The following LOXHD1 variants were observed in gnomAD, a reference collection of about 807,000 sequenced individuals.
The protein encoded by LOXHD1 is lipoxygenase homology PLAT domains 1.
LOXHD1 carries 205 observed loss-of-function variants against 248.2 expected under a neutral mutation model. The ratio of observed to expected loss-of-function variants is 0.83; its 90% confidence interval spans 0.74 to 0.93. LOXHD1 has a LOEUF of 0.93. Ranked by LOEUF, LOXHD1 falls within the 40% of genes least tolerant of loss-of-function variation. The pLI is 0.00. For synonymous variants in LOXHD1, 1,113 were observed against 1,162.8 expected (o/e 0.96, Z 0.87); for missense variants, 2,930 against 2,971.6 (o/e 0.99, Z 0.33).
intron 4 of LOXHD1, among the ~76,000 whole-genome samples, chr18:46,629,433 C>G (rs2038789656): frequency 6.6e-6 from 1 of 152,206 alleles, no homozygotes; most frequent in African/African-American, 2.4e-5. Flanking sequence ...AGGGTACTTT[C>G]ATTTTGCATT....
At chr18:46,529,385 G>A (rs983639683) in intron 28 of LOXHD1, 54 bp from the exon 29 acceptor site, 36 of 1,491,304 alleles carry the variant, frequency 2.4e-5, no homozygotes, top group South Asian at 4.1e-5. Flanking sequence ...GGGTGACAGC[G>A]CTTTAGGTCT....
chr18:46,610,036 A>G (rs936674563), intron 6 of LOXHD1, among the ~76,000 whole-genome samples: 2 of 152,230 alleles, frequency 1.3e-5, no homozygotes, highest in Non-Finnish European at 2.9e-5. Flanking sequence ...GTACAAAGCA[A>G]CAGGTCAAGA....
chr18:46,485,087 C>A lies in LOXHD1; in HGVS notation c.6114G>T (p.Leu2038=), dbSNP rs1220761912. The A allele has an allele frequency of 7.7e-6, 12 of 1,550,644 alleles. No homozygotes were observed. In the East Asian group the frequency reaches 2.9e-4, roughly 38 times the overall value. ...CTTTGGATCGGTTCTTCCTGCCCTCCAGGATGAGCCAGACGTTCTCCCTGG... is the reference window on the plus strand; with the variant it reads ...CTTTGGATCGGTTCTTCCTGCCCTCAAGGATGAGCCAGACGTTCTCCCTGG... ...GETRENVWLI[L]EGRKNRSKEF... The change falls in exon 39 of 41, where the codon CTG becomes CTT. Residue 2038 remains leucine (L), a synonymous_variant. Transcript: ENST00000642948.
chr18:46,591,907 A>C (rs1599034045), intron 12 of LOXHD1, 26 bp downstream of exon 12: 1 of 1,551,312 alleles, frequency 6.4e-7, no homozygotes, highest in East Asian at 2.4e-5. Flanking sequence ...ACTGCCTCCC[A>C]GGATGGAGAG....
rs1184461031 is a variant in LOXHD1 at position 46,524,824 on chromosome 18, C to T, written c.4624G>A (p.Val1542Met). 1.2e-5 allele frequency: 18 copies of T among 1,551,676 alleles called. No individual in the cohort carries two copies. The highest frequency in any genetic ancestry group is 4.8e-5 in the South Asian group (4 of 84,074). The change falls in exon 30 of 41, where the codon GTG (valine) becomes ATG (methionine). Residue 1542 changes from valine to methionine, a missense_variant. Val to Met is a conservative substitution (Grantham distance 21). Transcript: ENST00000642948. ...TCATTCCAGATCTCCACCTTCTCCA[C>T]GTACCAGTCTGCGCACCACTTGGAG... ...DNSKWCADWY[V>M]EKVEIWNDTN...
chr18:46,586,649 T>C (rs1422517627), intron 12 of LOXHD1, among the ~76,000 whole-genome samples: 3 of 152,292 alleles, frequency 2.0e-5, no homozygotes, highest in East Asian at 1.9e-4. Flanking sequence ...GGTTTCACCA[T>C]GTAGGCCAAG....
At position 46,563,165 on chromosome 18, in the gene LOXHD1, C is replaced by A; in HGVS notation, c.2498G>T (p.Arg833Leu). The change falls in exon 18 of 41, where the codon CGA becomes CTA. Residue 833 changes from arginine (R) to leucine (L), a missense_variant. Transcript: ENST00000642948. ...GDVGGAGTSA[R>L]VYMQIYGEKG... ...CTCTCCATAGATCTGCATGTAGACT[C>A]GGGCACTGGTGCCTGCGCCACCCAC... 3 of 1,532,666 alleles carry A rather than the reference C, an allele frequency of 2.0e-6. No homozygotes were observed. Among genetic ancestry groups the A allele is most frequent in the South Asian group, 1.2e-5 (1 of 83,462 alleles). 94.9% of individuals were successfully genotyped at this position (1,532,666 alleles called of 1,614,324 possible).
intron 27 of LOXHD1, chr18:46,533,732 T>C: frequency 3.0e-6 from 1 of 332,148 alleles, no homozygotes; most frequent in Non-Finnish European, 6.0e-6. Context: ...AAGACCAGCT[T>C]GGCCAACATG....
chr18:46,575,189 A>G (rs1238600655), intron 14 of LOXHD1, among the ~76,000 whole-genome samples: 1 of 152,016 alleles, frequency 6.6e-6, no homozygotes, highest in Non-Finnish European at 1.5e-5. Flanking sequence ...AAAGGGCATG[A>G]CCTTCAACCC....
chr18:46,489,038 C>T lies in LOXHD1; in HGVS notation c.5983G>A (p.Asp1995Asn). ...GCAAAGTCGCGGACCGTCTGCCCGTCACCCTCACTCTTGGAGAGCCAGCAG... is the reference window on the plus strand; with the variant it reads ...GCAAAGTCGCGGACCGTCTGCCCGTTACCCTCACTCTTGGAGAGCCAGCAG... ...CDCWLSKSEG[D>N]GQTVRDFACA... The change falls in exon 38 of 41, where the codon GAC becomes AAC. Residue 1995 changes from aspartate (D) to asparagine (N), a missense_variant. Physicochemically the swap from Asp to Asn is conservative, Grantham distance 23. Coordinates refer to ENST00000642948, the MANE Select transcript of LOXHD1 (RefSeq NM_001384474.1). 4 of 1,551,698 alleles carry T rather than the reference C, an allele frequency of 2.6e-6. No individual in the cohort carries two copies. Among genetic ancestry groups the T allele is most frequent in the Non-Finnish European group, 3.5e-6 (4 of 1,146,996 alleles).
At chr18:46,486,632 G>C (rs1430283150) in intron 38 of LOXHD1, among the ~76,000 whole-genome samples, 1 of 152,168 alleles carries the variant, frequency 6.6e-6, no homozygotes, top group African/African-American at 2.4e-5. Context: ...CTGCAAACAG[G>C]TACTGGTGAA....
intron 4 of LOXHD1, among the ~76,000 whole-genome samples, chr18:46,636,412 C>T (rs570265697): frequency 9.8e-5 from 15 of 152,320 alleles, no homozygotes; most frequent in Non-Finnish European, 1.8e-4. Flanking sequence ...ATGCAAGATT[C>T]CCATTAGAGG....
chr18:46,560,173 T>C lies in LOXHD1; in HGVS notation c.2971A>G (p.Lys991Glu), dbSNP rs770660067. 5.2e-6 allele frequency: 8 copies of C among 1,551,400 alleles called. No homozygotes were observed. In the South Asian group the frequency reaches 9.5e-5, roughly 18 times the overall value. ...PGMQEVIEQHKFEAHRWLARG... is the reference protein window; with the variant it reads ...PGMQEVIEQHEFEAHRWLARG... ...GCCAGCCAGCGGTGGGCTTCGAACT[T>C]GTGCTGCTCAATCACCTCCTGCATC... is the stretch of plus-strand genomic sequence containing the variant. Residue 991 changes from lysine (K) to glutamate (E), a missense_variant, in exon 19 of 41, where the codon AAG becomes GAG. Transcript: ENST00000642948.
At chr18:46,604,269 T>C (rs1280141268) in intron 6 of LOXHD1, 40 bp from the exon 7 acceptor site, 1 of 1,550,072 alleles carries the variant, frequency 6.5e-7, no homozygotes, top group South Asian at 1.2e-5. Context: ...AGATAAGTGT[T>C]GTTGAGGGTG....
intron 7 of LOXHD1, among the ~76,000 whole-genome samples, chr18:46,603,422 A>G (rs2038368505): frequency 6.6e-6 from 1 of 152,136 alleles, no homozygotes; most frequent in Non-Finnish European, 1.5e-5. Flanking sequence ...TGTGTACATT[A>G]TACTACAGAA....
intron 13 of LOXHD1, among the ~76,000 whole-genome samples, chr18:46,579,307 G>A (rs1041185671): frequency 6.6e-6 from 1 of 152,180 alleles, no homozygotes; most frequent in Non-Finnish European, 1.5e-5. Context: ...CAAAGCTCAG[G>A]GGTGGGGGAG....
At chr18:46,549,737 C>G (rs946672139) in intron 21 of LOXHD1, among the ~76,000 whole-genome samples, 1 of 152,124 alleles carries the variant, frequency 6.6e-6, no homozygotes, top group African/African-American at 2.4e-5. Flanking sequence ...GAAATCCCAC[C>G]CAACATATTT....
At chr18:46,627,201 C>T (rs1049967249) in intron 4 of LOXHD1, among the ~76,000 whole-genome samples, 1 of 152,168 alleles carries the variant, frequency 6.6e-6, no homozygotes, top group Non-Finnish European at 1.5e-5. Context: ...CTTTGTCACA[C>T]AAATGCCTTG....
At chr18:46,554,026 G>A (rs1327195260) in intron 21 of LOXHD1, among the ~76,000 whole-genome samples, 1 of 152,218 alleles carries the variant, frequency 6.6e-6, no homozygotes, top group Non-Finnish European at 1.5e-5. Context: ...CACCAAACAT[G>A]CTTTGGCTTT....
Sources: gnomAD v4.1 joint callset for allele counts (sites outside exome capture counted in the v4.1 genomes callset) on GRCh38, gnomAD v4.1.1 for gene constraint, MANE v1.5 for transcripts, NCBI Gene and HGNC (gene_info 2026-07-23, HGNC 2026-07-21) for gene names.